SH3RF1: variants seen among roughly 807,000 people sequenced by gnomAD.
SH3RF1 encodes SH3 domain containing ring finger 1.
A neutral mutation model predicts 74.0 loss-of-function variants in SH3RF1; 32 were observed. That is an observed-to-expected ratio of 0.43 (90% CI 0.33 to 0.58). SH3RF1 has a LOEUF of 0.58. Ranked by LOEUF, SH3RF1 falls within the 20% of genes least tolerant of loss-of-function variation. The pLI, the probability that SH3RF1 is intolerant of heterozygous loss-of-function variation, is 0.05. For missense variants in SH3RF1, 954 were observed against 1,130.9 expected (o/e 0.84, Z 2.24); for synonymous variants, 396 against 439.6 (o/e 0.90, Z 1.24).
intron 2 of SH3RF1, among the ~76,000 whole-genome samples, chr4:169,264,426 G>C (rs1245611779): frequency 6.6e-6 from 1 of 152,172 alleles, no homozygotes; most frequent in African/African-American, 2.4e-5. Flanking sequence ...TGAGGTACTA[G>C]GAGTTAGAAC....
At chr4:169,109,103 G>T (rs915750596) in intron 10 of SH3RF1, among the ~76,000 whole-genome samples, 1 of 152,196 alleles carries the variant, frequency 6.6e-6, no homozygotes, top group African/African-American at 2.4e-5. Flanking sequence ...ACATGCAAAA[G>T]AATAATGTCC....
At chr4:169,172,970 T>C (rs1426484496) in intron 2 of SH3RF1, among the ~76,000 whole-genome samples, 1 of 152,206 alleles carries the variant, frequency 6.6e-6, no homozygotes, top group Non-Finnish European at 1.5e-5. Flanking sequence ...CATGAACAGA[T>C]ATTACTCTAA....
At chr4:169,215,171 G>T (rs1243753640) in intron 2 of SH3RF1, among the ~76,000 whole-genome samples, 2 of 152,016 alleles carry the variant, frequency 1.3e-5, no homozygotes, top group African/African-American at 4.8e-5. Context: ...ATCAAGAATG[G>T]GTGTTGAATT....
chr4:169,116,546 A>G lies in SH3RF1; in HGVS notation c.1862T>C (p.Val621Ala), dbSNP rs143421279. 13 of 1,611,340 alleles carry G rather than the reference A, an allele frequency of 8.1e-6. No homozygotes were observed. Among genetic ancestry groups the G allele is most frequent in the Non-Finnish European group, 1.1e-5 (13 of 1,178,670 alleles). The stretch of plus-strand genomic sequence containing the variant: ...GGCCAGCGAGTGATGGGACAGGCCC[A>G]CAGATGCAGGGCTGAGGCCGGCGGC... ...QNAAGLSPAS[V>A]GLSHHSLASP... Residue 621 changes from valine to alanine, a missense_variant, in exon 10 of 12, where the codon GTG (valine) becomes GCG (alanine). Val to Ala is a moderately conservative substitution (Grantham distance 64). Coordinates refer to ENST00000284637, the MANE Select transcript of SH3RF1 (RefSeq NM_020870.4).
chr4:169,120,769 A>G, intron 8 of SH3RF1, 50 bp downstream of exon 8: 1 of 1,589,752 alleles, frequency 6.3e-7, no homozygotes, highest in Non-Finnish European at 8.6e-7. Flanking sequence ...ATGGAAAAGA[A>G]CAAAGCTTCT....
At chr4:169,173,435 T>TA (rs879590899) in intron 2 of SH3RF1, among the ~76,000 whole-genome samples, 2,664 of 146,064 alleles carry the variant, frequency 0.018, 79 homozygotes, top group African/African-American at 0.061. Context: ...TTTCTGGGAT[T>TA]AAAAAAAAAA....
At chr4:169,206,764 G>C (rs551111398) in intron 2 of SH3RF1, among the ~76,000 whole-genome samples, 164 of 152,220 alleles carry the variant, frequency 1.1e-3, no homozygotes, top group Non-Finnish European at 2.1e-3. Flanking sequence ...ATGACATGTA[G>C]CGTTGCATTC....
intron 2 of SH3RF1, among the ~76,000 whole-genome samples, chr4:169,256,868 A>T (rs1731201580): frequency 6.6e-6 from 1 of 152,350 alleles, no homozygotes; most frequent in East Asian, 1.9e-4. Flanking sequence ...CTCCCAAAGC[A>T]CTGGGATTAC....
intron 2 of SH3RF1, among the ~76,000 whole-genome samples, chr4:169,208,469 G>A (rs1231775546): frequency 6.6e-6 from 1 of 152,170 alleles, no homozygotes; most frequent in Non-Finnish European, 1.5e-5. Flanking sequence ...CTTTTTAGTA[G>A]GACAGACACA....
chr4:169,130,642 C>T (rs555374009), intron 5 of SH3RF1, among the ~76,000 whole-genome samples: 5 of 152,280 alleles, frequency 3.3e-5, no homozygotes, highest in East Asian at 3.9e-4. Flanking sequence ...TTCTACCTTT[C>T]GGTGGGGATG....
intron 2 of SH3RF1, among the ~76,000 whole-genome samples, chr4:169,158,266 A>G (rs932016355): frequency 9.2e-5 from 14 of 152,242 alleles, no homozygotes; most frequent in Non-Finnish European, 2.9e-5. Context: ...CAAGTCTTAA[A>G]GGATGCACAG....
intron 2 of SH3RF1, among the ~76,000 whole-genome samples, chr4:169,262,227 T>C (rs1561067843): frequency 1.3e-5 from 2 of 152,180 alleles, no homozygotes; most frequent in Non-Finnish European, 2.9e-5. Flanking sequence ...CAAGAAACTA[T>C]ATGCATACAC....
At chr4:169,184,973 C>T (rs11721702) in intron 2 of SH3RF1, among the ~76,000 whole-genome samples, 26,401 of 152,048 alleles carry the variant, frequency 0.17, 2,815 homozygotes, top group Non-Finnish European at 0.25. Context: ...TACAGGACCA[C>T]GAGGATAAAA....
At chr4:169,234,667 C>T (rs1219052022) in intron 2 of SH3RF1, among the ~76,000 whole-genome samples, 1 of 152,234 alleles carries the variant, frequency 6.6e-6, no homozygotes, top group African/African-American at 2.4e-5. Flanking sequence ...GAAACACCCT[C>T]ATACCATTTC....
At chr4:169,265,259 G>A (rs1731334486) in intron 2 of SH3RF1, among the ~76,000 whole-genome samples, 1 of 152,262 alleles carries the variant, frequency 6.6e-6, no homozygotes, top group Admixed American at 6.5e-5. Flanking sequence ...GTAGTGCCCG[G>A]CACCTAATGA....
chr4:169,140,084 AGCAC>A (rs1733759913), intron 4 of SH3RF1, among the ~76,000 whole-genome samples: 1 of 152,240 alleles, frequency 6.6e-6, no homozygotes, highest in Non-Finnish European at 1.5e-5. Flanking sequence ...CTTCTGAAGC[AGCAC>A]ATATTAGTAT....
chr4:169,142,553 C>T lies in SH3RF1; in HGVS notation c.766-5933G>A, dbSNP rs551883489. On this transcript the variant is annotated intron_variant, in intron 4 of 11. Transcript: ENST00000284637. ...TCTGGTTTTGCATAAAGAATAAGGT[C>T]GGGAAAGCATTTAGCACTTTGTTTT... 5.3e-5 allele frequency among the ~76,000 whole-genome samples: 8 copies of T among 152,268 alleles called. No homozygotes were observed. The South Asian group carries it at 6.2e-4, about 12-fold the overall frequency.
Position 169,136,313 on chromosome 4 carries a change from T to C in SH3RF1, c.1068+5A>G. 1.4e-6 allele frequency: 2 copies of C among 1,416,792 alleles called. No individual in the cohort carries two copies. Among genetic ancestry groups the C allele is most frequent in the African/African-American group, 2.9e-5 (2 of 69,406 alleles). The allele number at this position is 1,416,792 out of a possible 1,614,324, so 87.8% of individuals were successfully genotyped here. The stretch of plus-strand genomic sequence containing the variant: ...TTTTTATATAACACTTGTTTGAGGA[T>C]TTACCTGAGAAGGGGCACTGCAGGA... On this transcript the variant is annotated splice_donor_5th_base_variant and intron_variant, in intron 5 of 11. Coordinates refer to ENST00000284637, the MANE Select transcript of SH3RF1 (RefSeq NM_020870.4).
chr4:169,242,202 C>T (rs1730924146), intron 2 of SH3RF1, among the ~76,000 whole-genome samples: 1 of 151,944 alleles, frequency 6.6e-6, no homozygotes, highest in Non-Finnish European at 1.5e-5. Context: ...AAATACTCTG[C>T]CTAAACCCAT....
Sources: gnomAD v4.1 joint callset for allele counts (sites outside exome capture counted in the v4.1 genomes callset) on GRCh38, gnomAD v4.1.1 for gene constraint, MANE v1.5 for transcripts, NCBI Gene and HGNC (gene_info 2026-07-23, HGNC 2026-07-21) for gene names.